Variants in UNC13C observed in about 807,000 individuals in gnomAD.
The protein encoded by UNC13C is protein unc-13 homolog C.
Under a neutral mutation model 245.4 loss-of-function variants are expected in UNC13C, and 174 were observed. The ratio of observed to expected loss-of-function variants is 0.71; its 90% CI spans 0.63 to 0.80. UNC13C has a LOEUF of 0.80. Among genes scored for constraint, UNC13C ranks in the 30% least tolerant of loss-of-function variants. The pLI is 0.00. For missense variants in UNC13C, 2,829 were observed against 2,602.9 expected (o/e 1.09, Z -1.89); for synonymous variants, 992 against 895.1 (o/e 1.11, Z -1.93).
At chr15:54,062,680 A>G (rs1751679107) in intron 2 of UNC13C, among the ~76,000 whole-genome samples, 1 of 152,164 alleles carries the variant, frequency 6.6e-6, no homozygotes, top group Admixed American at 6.6e-5. Flanking sequence ...TCAACAAGGG[A>G]GCTTGATAGT....
At position 54,601,670 on chromosome 15, in the gene UNC13C, C is replaced by T. The variant is rs181448317; in HGVS notation, c.6107-20657C>T. ...TGTTCCTTATCCATATGCTTTTTTCCCTTTGGGGACCTGGTTGACTGGTTC... is the reference window on the plus strand; with the variant it reads ...TGTTCCTTATCCATATGCTTTTTTCTCTTTGGGGACCTGGTTGACTGGTTC... On this transcript the variant is annotated intron_variant, in intron 30 of 32. Transcript: ENST00000260323. Among the ~76,000 whole-genome samples the T allele has an allele frequency of 1.8e-3, 273 of 152,058 alleles. 1 individual carries two copies. Among genetic ancestry groups the T allele is most frequent in the African/African-American group, 6.1e-3 (253 of 41,498 alleles).
chr15:53,878,745 C>T, the UNC13C span, among the ~76,000 whole-genome samples: 2 of 152,110 alleles, frequency 1.3e-5, no homozygotes, highest in Non-Finnish European at 2.9e-5. Flanking sequence ...ATTCAGTTTA[C>T]TTCTGAAATC....
At chr15:54,143,190 G>T (rs951080919) in intron 3 of UNC13C, 150 bp downstream of exon 3, 20 of 815,836 alleles carry the variant, frequency 2.5e-5, no homozygotes, top group Non-Finnish European at 4.0e-5. Flanking sequence ...TCCTTTAAGT[G>T]TGCCTCTGAT....
At chr15:54,069,561 G>A (rs1023877555) in intron 2 of UNC13C, among the ~76,000 whole-genome samples, 1 of 152,110 alleles carries the variant, frequency 6.6e-6, no homozygotes, top group African/African-American at 2.4e-5. Context: ...CTCTATGCTT[G>A]GCCAAGTTTG....
chr15:53,853,789 CTTATT>C, the UNC13C span, among the ~76,000 whole-genome samples: 8 of 152,252 alleles, frequency 5.3e-5, 1 homozygote, highest in Middle Eastern at 0.024. Flanking sequence ...ACATGAATCT[CTTATT>C]TTGAGAAGTG....
intron 4 of UNC13C, among the ~76,000 whole-genome samples, chr15:54,234,369 C>G (rs1313157999): frequency 6.6e-6 from 1 of 151,806 alleles, no homozygotes; most frequent in Non-Finnish European, 1.5e-5. Flanking sequence ...TTTAATTATT[C>G]TTCCCATTGA....
intron 2 of UNC13C, among the ~76,000 whole-genome samples, chr15:54,059,188 G>T (rs957163194): frequency 1.0e-4 from 14 of 134,900 alleles, no homozygotes; most frequent in African/African-American, 3.9e-4. Flanking sequence ...TGTTTGCAGA[G>T]GACATGATTG....
chr15:54,300,548 G>T (rs563082855), intron 13 of UNC13C, among the ~76,000 whole-genome samples, 175 bp downstream of exon 13: 2 of 152,104 alleles, frequency 1.3e-5, no homozygotes, highest in South Asian at 4.1e-4. Context: ...TAATGACTTG[G>T]TAATTCACTA....
intron 17 of UNC13C, among the ~76,000 whole-genome samples, chr15:54,350,226 G>A (rs1430105135): frequency 1.3e-5 from 2 of 152,144 alleles, no homozygotes; most frequent in Admixed American, 6.6e-5. Flanking sequence ...TCCTGACCTC[G>A]TGATCCGCCT....
chr15:54,116,980 A>T (rs560801132), intron 2 of UNC13C, among the ~76,000 whole-genome samples: 14 of 152,288 alleles, frequency 9.2e-5, no homozygotes, highest in South Asian at 2.1e-4. Flanking sequence ...CTAGGGTAAG[A>T]TGATATCACA....
At chr15:54,407,078 T>A (rs1173162046) in intron 18 of UNC13C, among the ~76,000 whole-genome samples, 2 of 152,158 alleles carry the variant, frequency 1.3e-5, no homozygotes, top group African/African-American at 4.8e-5. Flanking sequence ...ATTAATGAAT[T>A]GAAACTATTA....
chr15:54,103,239 C>T (rs781655281), intron 2 of UNC13C, among the ~76,000 whole-genome samples: 3 of 152,158 alleles, frequency 2.0e-5, no homozygotes, highest in Admixed American at 6.5e-5. Context: ...ACATACATCT[C>T]GCCATTCTTT....
intron 13 of UNC13C, chr15:54,321,327 C>A: frequency 2.1e-6 from 1 of 469,034 alleles, no homozygotes. Flanking sequence ...TGGGTGATGT[C>A]CTTCAATGTC....
Position 54,014,085 on chromosome 15 carries a change from A to G in UNC13C, c.1182A>G (p.Ser394=). The change falls in exon 2 of 33, where the codon TCA becomes TCG. Residue 394 remains serine (S), a synonymous_variant. Coordinates refer to ENST00000260323, the MANE Select transcript of UNC13C (RefSeq NM_001080534.3). ...AAAGGGATTCTGTCTTAAAAAAGTC[A>G]TATAAACTCAAAGGAACAGGCATTG... The part of the protein sequence containing the change: ...PQQRDSVLKK[S]YKLKGTGIGI... 1 of 1,613,762 alleles carries G rather than the reference A, an allele frequency of 6.2e-7. No homozygotes were observed. Among genetic ancestry groups the G allele is most frequent in the Non-Finnish European group, 8.5e-7 (1 of 1,179,826 alleles).
the UNC13C span, among the ~76,000 whole-genome samples, chr15:53,838,355 C>T: frequency 6.6e-6 from 1 of 152,024 alleles, no homozygotes. Context: ...AGAACATTTG[C>T]TAGCATACTT....
chr15:54,012,417 T>A (rs968757029), intron 1 of UNC13C, among the ~76,000 whole-genome samples: 1 of 152,180 alleles, frequency 6.6e-6, no homozygotes, highest in Non-Finnish European at 1.5e-5. Context: ...CTATTTCAGT[T>A]GTGTCCACCC....
chr15:53,976,473 C>CTTTTTTTT (rs1164175117), upstream of UNC13C, among the ~76,000 whole-genome samples: 25 of 27,502 alleles, frequency 9.1e-4, no homozygotes, highest in Admixed American at 3.2e-3. Flanking sequence ...CTCTCTCTCT[C>CTTTTTTTT]TCTCTTTTTT....
At chr15:54,113,718 C>T (rs555869031) in intron 2 of UNC13C, among the ~76,000 whole-genome samples, 4 of 152,042 alleles carry the variant, frequency 2.6e-5, no homozygotes, top group East Asian at 3.9e-4. Flanking sequence ...CCCAGTTACT[C>T]GGGAGGCTGA....
chr15:54,392,159 A>G (rs953265204), intron 17 of UNC13C, among the ~76,000 whole-genome samples: 3 of 152,100 alleles, frequency 2.0e-5, no homozygotes, highest in Admixed American at 6.6e-5. Context: ...CAATTTTAAC[A>G]AGTAAATGTA....
Sources: allele counts gnomAD v4.1 joint callset (sites outside exome capture counted in the v4.1 genomes callset), GRCh38; gene constraint gnomAD v4.1.1; transcripts MANE v1.5; gene names NCBI Gene and HGNC (gene_info 2026-07-23, HGNC 2026-07-21).